Variants in SMARCA2 observed in about 807,000 individuals in gnomAD.
SMARCA2 encodes SWI/SNF-related matrix-associated actin-dependent regulator of chromatin subfamily A member 2.
In SMARCA2, 61 loss-of-function variants were observed where a neutral mutation model predicts 199.8. That is an observed-to-expected ratio of 0.31 (90% CI 0.25 to 0.38). SMARCA2 has a LOEUF of 0.38. Ranked by LOEUF, SMARCA2 falls within the 10% of genes least tolerant of loss-of-function variation. The pLI is 1.00. For missense variants in SMARCA2, 1,344 were observed against 2,012.2 expected (o/e 0.67, Z 6.35); for synonymous variants, 935 against 732.0 (o/e 1.28, Z -4.48).
chr9:2,157,341 C>G (rs553940138), intron 27 of SMARCA2, among the ~76,000 whole-genome samples: 24 of 152,108 alleles, frequency 1.6e-4, no homozygotes, highest in African/African-American at 5.5e-4. Context: ...GTGAGCTGTC[C>G]CCAGAAAGCA....
Position 2,174,924 on chromosome 9 carries a change from C to CAAAAA in SMARCA2, c.4253+4476_4253+4480dup, listed in dbSNP as rs61327057. 2.2e-4 allele frequency among the ~76,000 whole-genome samples: 14 copies of CAAAAA among 62,298 alleles called. 1 individual carries two copies. The highest frequency in any genetic ancestry group is 8.6e-4 in the African/African-American group (12 of 13,958). 40.9% of individuals were successfully genotyped at this position (62,298 alleles called of 152,430 possible). ...TGGGGGACAGAGTGAGACCCTCTCT[C>CAAAAA]AAAAAAAAAAAAAAAAAAAAAAAAA... is the stretch of plus-strand genomic sequence containing the variant. On this transcript the variant is annotated intron_variant, in intron 29 of 33. Transcript: ENST00000349721.
intron 27 of SMARCA2, among the ~76,000 whole-genome samples, chr9:2,147,608 G>T (rs775272931): frequency 6.6e-6 from 1 of 152,176 alleles, no homozygotes; most frequent in Non-Finnish European, 1.5e-5. Context: ...CACTTTGGGA[G>T]GCCAAGGCGG....
intron 19 of SMARCA2, among the ~76,000 whole-genome samples, chr9:2,090,134 G>A (rs1324670313): frequency 2.6e-5 from 4 of 152,056 alleles, no homozygotes; most frequent in African/African-American, 9.7e-5. Flanking sequence ...TATCACAAAG[G>A]AATTCTTTGC....
Position 2,073,450 on chromosome 9 carries a change from G to C in SMARCA2, c.1877+108G>C, listed in dbSNP as rs140865500. The C allele has an allele frequency of 2.4e-4, 355 of 1,501,886 alleles. 2 individuals carry two copies. The East Asian group carries it at 6.5e-3, about 27-fold the overall frequency. 93.0% of individuals were successfully genotyped at this position (1,501,886 alleles called of 1,614,324 possible). A position where few individuals can be genotyped will look rare whatever the true frequency, so the allele number is the denominator to read the frequency against. ...CACAGCCTTTGCTGAGATGGTTGAA[G>C]TTGTTACTTGGATTTGTCTTTTATA... On this transcript the variant is annotated intron_variant, in intron 11 of 33. Coordinates refer to ENST00000349721, the MANE Select transcript of SMARCA2 (RefSeq NM_003070.5).
intron 27 of SMARCA2, chr9:2,159,038 G>A (rs1289961243): frequency 2.0e-5 from 32 of 1,580,422 alleles, no homozygotes; most frequent in South Asian, 3.5e-5. Context: ...GAATCTGCAC[G>A]TATTAGCAGT....
chr9:2,079,922 A>C (rs1446540798), intron 14 of SMARCA2: 1 of 152,230 alleles, frequency 6.6e-6, no homozygotes, highest in Non-Finnish European at 1.5e-5. Flanking sequence ...CGACTTCCAT[A>C]TGTGAGTTTT....
intron 27 of SMARCA2, among the ~76,000 whole-genome samples, chr9:2,136,096 T>C (rs1327258572): frequency 1.3e-5 from 2 of 151,676 alleles, no homozygotes; most frequent in Non-Finnish European, 2.9e-5. Context: ...TGCCTCAGCC[T>C]CCCAAAGTGC....
At chr9:2,150,356 C>T (rs1322210561) in intron 27 of SMARCA2, among the ~76,000 whole-genome samples, 1 of 151,660 alleles carries the variant, frequency 6.6e-6, no homozygotes, top group Non-Finnish European at 1.5e-5. Context: ...TGTGCTTGTG[C>T]AGAGACCCTC....
At chr9:2,183,510 TGAA>T (rs1367037669) in intron 31 of SMARCA2, among the ~76,000 whole-genome samples, 1 of 152,172 alleles carries the variant, frequency 6.6e-6, no homozygotes. Flanking sequence ...TTCAGACCCA[TGAA>T]GAAGAAAGAA....
intron 30 of SMARCA2, 139 bp from the exon 31 acceptor site, chr9:2,182,001 TG>T (rs1313925174): frequency 4.2e-6 from 3 of 711,694 alleles, no homozygotes; most frequent in Non-Finnish European, 7.5e-6. Context: ...TGGCGCCCCC[TG>T]GGGTTATGCA....
intron 27 of SMARCA2, among the ~76,000 whole-genome samples, chr9:2,146,908 G>C (rs1390842503): frequency 6.6e-6 from 1 of 152,144 alleles, no homozygotes; most frequent in African/African-American, 2.4e-5. Flanking sequence ...TTATCAGCAA[G>C]GTCTTTATGA....
chr9:2,062,300 C>T (rs1820628424), intron 9 of SMARCA2, among the ~76,000 whole-genome samples: 1 of 151,964 alleles, frequency 6.6e-6, no homozygotes, highest in South Asian at 2.1e-4. Context: ...GTAAGTGGAC[C>T]CCATTAAATG....
Position 2,077,664 on chromosome 9 carries a change from T to C in SMARCA2, c.2072T>C (p.Met691Thr), listed in dbSNP as rs759070815. ...AKQDVDDEYS[M>T]QYSARGSQSY... ...CAAGACGTGGATGATGAATACAGCA[T>C]GCAGTACAGTGCCAGGGGCTCCCAG... Residue 691 changes from methionine to threonine, a missense_variant, in exon 14 of 34, where the codon ATG (methionine) becomes ACG (threonine). Physicochemically the swap from Met to Thr is moderately conservative, Grantham distance 81 (BLOSUM62 -1). This residue lies in a region of SMARCA2 where 106 missense variants were observed against 179.7 expected (regional missense o/e 0.59). Coordinates refer to ENST00000349721, the MANE Select transcript of SMARCA2 (RefSeq NM_003070.5). The C allele has an allele frequency of 1.9e-6, 3 of 1,614,156 alleles. No individual in the cohort carries two copies. The highest frequency in any genetic ancestry group is 2.5e-6 in the Non-Finnish European group (3 of 1,179,998).
chr9:2,127,753 A>G (rs1249870165), intron 27 of SMARCA2, among the ~76,000 whole-genome samples: 1 of 152,234 alleles, frequency 6.6e-6, no homozygotes, highest in Non-Finnish European at 1.5e-5. Flanking sequence ...CTGCCTCAGC[A>G]CACTTAGGTT....
At position 2,161,390 on chromosome 9, in the gene SMARCA2, A is replaced by C. The variant is rs765906819; in HGVS notation, c.3982-296A>C. Reference sequence around the variant, plus strand: ...ATTTCATCTGGATTCAGTTATCATCAAACACTTGAATTTATAGATCTTTTA... The same window carrying C: ...ATTTCATCTGGATTCAGTTATCATCCAACACTTGAATTTATAGATCTTTTA... On this transcript the variant is annotated intron_variant, in intron 27 of 33. Transcript: ENST00000349721. The surrounding 1 kb of genome is among the most constrained non-coding windows in gnomAD (Gnocchi z 4.7). 6.6e-6 allele frequency among the ~76,000 whole-genome samples: 1 copy of C among 152,234 alleles called. No homozygotes were observed. The highest frequency in any genetic ancestry group is 2.1e-4 in the South Asian group (1 of 4,812).
At chr9:2,041,429 C>A in intron 4 of SMARCA2, 3 of 398,598 alleles carry the variant, frequency 7.5e-6, no homozygotes, top group Non-Finnish European at 8.8e-6. Context: ...CTCACTGTGT[C>A]CTCACATGGC....
chr9:2,167,989 A>T (rs890285599), intron 28 of SMARCA2, among the ~76,000 whole-genome samples: 4 of 151,470 alleles, frequency 2.6e-5, no homozygotes, highest in African/African-American at 9.7e-5. Context: ...AATTCAGGAC[A>T]TTATAATAAT....
intron 29 of SMARCA2, among the ~76,000 whole-genome samples, chr9:2,173,882 G>A (rs1302237395): frequency 6.6e-6 from 1 of 152,194 alleles, no homozygotes; most frequent in Admixed American, 6.5e-5. Flanking sequence ...GGGAAATGCT[G>A]AATTGGAGCC....
intron 27 of SMARCA2, among the ~76,000 whole-genome samples, chr9:2,148,034 A>G (rs1044266019): frequency 1.1e-4 from 17 of 151,568 alleles, no homozygotes; most frequent in Non-Finnish European, 4.4e-5. Flanking sequence ...AAGCATGCTG[A>G]GTTTACACTT....
Sources: gnomAD v4.1 joint callset for allele counts (sites outside exome capture counted in the v4.1 genomes callset) on GRCh38, gnomAD v4.1.1 for gene constraint, gnomAD v4.1.1 regional missense constraint, Gnocchi (gnomAD v3.1) non-coding constraint, MANE v1.5 for transcripts, NCBI Gene and HGNC (gene_info 2026-07-23, HGNC 2026-07-21) for gene names.